Variants in ZDHHC24 observed in about 807,000 individuals in gnomAD.
ZDHHC24 encodes probable palmitoyltransferase ZDHHC24.
A neutral mutation model predicts 23.2 loss-of-function variants in ZDHHC24; 17 were observed. That is an observed-to-expected ratio of 0.73 (90% CI 0.50 to 1.10). The LOEUF is 1.10. Ranked by LOEUF, ZDHHC24 falls within the 50% of genes least tolerant of loss-of-function variation. The probability of loss-of-function intolerance (pLI) is 0.00; values close to 1 mark genes in which losing one functional copy is unlikely to be tolerated. For missense variants in ZDHHC24, 366 were observed against 393.0 expected (o/e 0.93, Z 0.58); for synonymous variants, 186 against 194.5 (o/e 0.96, Z 0.36).
chr11:66,523,511 A>G lies in ZDHHC24; in HGVS notation c.*22-2045T>C. 6.2e-7 allele frequency: 1 copy of G among 1,614,112 alleles called. No individual in the cohort carries two copies. Among genetic ancestry groups the G allele is most frequent in the Admixed American group, 1.7e-5 (1 of 60,012 alleles). ...GCTGAGCGCCCAGCCTGTGGGACTT[A>G]TCCGGGTACACAAGGTCCTAGTGGT... is the stretch of plus-strand genomic sequence containing the variant. On this transcript the variant is annotated intron_variant, in intron 4 of 4. Coordinates refer to the ZDHHC24 transcript ENST00000526986.
chr11:66,530,614 G>A lies in ZDHHC24; in HGVS notation c.560-1126C>T, dbSNP rs539722009. 1.6e-4 allele frequency among the ~76,000 whole-genome samples: 24 copies of A among 152,212 alleles called. No homozygotes were observed. In the South Asian group the frequency reaches 5.0e-3, roughly 32 times the overall value. On this transcript the variant is annotated intron_variant, in intron 2 of 4. Transcript: ENST00000526986. ...TACCCTAGGATGAGAGTGGGAGGTG[G>A]AACAGGCAGGGGGTGGGGGTGAGGG...
chr11:66,530,907 G>A (rs1306126953), downstream of ZDHHC24: 1 of 1,614,034 alleles, frequency 6.2e-7, no homozygotes, highest in East Asian at 2.2e-5. Flanking sequence ...CAGGGCCTTG[G>A]CCCCACCTTT....
In ZDHHC24 at chr11:66,545,849, GC is replaced by G; in HGVS notation, c.154del (p.Ala52ProfsTer31). ...GPPPLGPLAR[A>X]LQLALAAFQL... ...GAAGGCGGCCAGCGCCAGCTGCAAG[GC>G]CCGGGCCAGGGGTCCCAGCGGCGGC... On this transcript the variant is annotated frameshift_variant, in exon 1 of 3. Transcript: ENST00000310442. LOFTEE classifies it high-confidence loss of function. The surrounding 1 kb of genome is among the most constrained non-coding windows in gnomAD (Gnocchi z 4.5). 1 of 1,556,680 alleles carries G rather than the reference GC, an allele frequency of 6.4e-7. No homozygotes were observed.
At chr11:66,523,051 A>G (rs966003439) in intron 4 of ZDHHC24, 6 of 422,128 alleles carry the variant, frequency 1.4e-5, no homozygotes, top group Non-Finnish European at 2.8e-5. Context: ...CCAGTAAACT[A>G]AAAACTGCAT....
chr11:66,532,047 T>TGCTGTGAAA (rs750165500), downstream of ZDHHC24: 126 of 1,594,040 alleles, frequency 7.9e-5, no homozygotes, highest in Non-Finnish European at 1.0e-4. Context: ...AGACCTGAGC[T>TGCTGTGAAA]GCTGTGAAAG....
At chr11:66,529,721 C>T (rs1686426121) in intron 2 of ZDHHC24, 1 of 1,474,532 alleles carries the variant, frequency 6.8e-7, no homozygotes, top group Non-Finnish European at 9.4e-7. Context: ...CCTCCTCTTG[C>T]ACCCTCCCCA....
intron 4 of ZDHHC24, among the ~76,000 whole-genome samples, chr11:66,522,399 G>A (rs1444831214): frequency 6.6e-6 from 1 of 150,394 alleles, no homozygotes; most frequent in African/African-American, 2.5e-5. Context: ...CCAGGCTGGA[G>A]TGCAGTGGCA....
chr11:66,523,391 G>T, intron 4 of ZDHHC24: 5 of 1,612,768 alleles, frequency 3.1e-6, no homozygotes, highest in Non-Finnish European at 4.2e-6. Context: ...TTAGACAGAG[G>T]AGGGTCAGCC....
intron 4 of ZDHHC24, among the ~76,000 whole-genome samples, chr11:66,522,074 G>T (rs1284403952): frequency 1.3e-5 from 2 of 151,164 alleles, no homozygotes; most frequent in Non-Finnish European, 2.9e-5. Flanking sequence ...AAAATTAGCT[G>T]GGCATGGTGG....
chr11:66,530,306 G>A (rs1396210318), intron 2 of ZDHHC24, among the ~76,000 whole-genome samples: 1 of 152,154 alleles, frequency 6.6e-6, no homozygotes, highest in Non-Finnish European at 1.5e-5. Context: ...GTAACTGTGG[G>A]CAGCCCAACG....
At chr11:66,523,470 C>T in intron 4 of ZDHHC24, 2 of 1,614,116 alleles carry the variant, frequency 1.2e-6, no homozygotes, top group Non-Finnish European at 1.7e-6. Context: ...TCCAAGCACC[C>T]CAAGTACTGC....
rs1174810492 is a variant in ZDHHC24, at chr11:66,538,086, A to C, written c.*1443T>G. 6.6e-6 allele frequency: 1 copy of C among 151,916 alleles called. No homozygotes were observed. Among genetic ancestry groups the C allele is most frequent in the Admixed American group, 6.6e-5 (1 of 15,238 alleles). The allele number at this position is 151,916 out of a possible 1,614,324, so 9.4% of individuals were successfully genotyped here. A position where few individuals can be genotyped will look rare whatever the true frequency, so the allele number is the denominator to read the frequency against. ...GCCAACATGGTGAAACCCTGTCTAT[A>C]CTAAAAATACAAAAAAATTAGCTGG... On this transcript the variant is annotated 3_prime_UTR_variant, in exon 3 of 3. Coordinates refer to ENST00000310442, the MANE Select transcript of ZDHHC24 (RefSeq NM_207340.3).
intron 1 of ZDHHC24, among the ~76,000 whole-genome samples, chr11:66,544,262 C>T (rs1213131472): frequency 6.6e-6 from 1 of 152,148 alleles, no homozygotes; most frequent in Non-Finnish European, 1.5e-5. Flanking sequence ...CCTCCACGGT[C>T]ACCCCTTTGT....
intron 2 of ZDHHC24, among the ~76,000 whole-genome samples, chr11:66,540,184 G>A (rs1221606585): frequency 1.3e-5 from 2 of 152,070 alleles, no homozygotes; most frequent in Non-Finnish European, 2.9e-5. Context: ...TTGGGGGGGC[G>A]AAGCAGATAG....
intron 2 of ZDHHC24, among the ~76,000 whole-genome samples, chr11:66,543,436 C>T (rs913129801): frequency 1.3e-5 from 2 of 152,192 alleles, no homozygotes; most frequent in Admixed American, 1.3e-4. Context: ...TTCCACATCC[C>T]GCCATGCAGA....
chr11:66,521,904 C>CA (rs1183524219), intron 4 of ZDHHC24, among the ~76,000 whole-genome samples: 8,686 of 35,776 alleles, frequency 0.24, 1,042 homozygotes, highest in Non-Finnish European at 0.29. Flanking sequence ...GACTCCGTCT[C>CA]AAAAAAAAAA....
Position 66,539,707 on chromosome 11 carries a change from G to A in ZDHHC24, c.677C>T (p.Thr226Ile). 2.6e-5 allele frequency: 42 copies of A among 1,612,476 alleles called. No individual in the cohort carries two copies. The highest frequency in any genetic ancestry group is 3.5e-5 in the Non-Finnish European group (41 of 1,179,826). The change falls in exon 3 of 3, where the codon ACC becomes ATC. Residue 226 changes from threonine (T) to isoleucine (I), a missense_variant. Transcript: ENST00000310442. ...CTGGCCCCGAGCCCACTCCCATGTG[G>A]TCTGGCCCCGCAGCAGCAGCATCCC... ...FHGMLLLRGQTTWEWARGQHS... is the reference protein window; with the variant it reads ...FHGMLLLRGQITWEWARGQHS...
At chr11:66,531,019 C>A (rs1264362211), downstream of ZDHHC24, 1 of 1,614,104 alleles carries the variant, frequency 6.2e-7, no homozygotes, top group Non-Finnish European at 8.5e-7. Flanking sequence ...TGCCCCGGGC[C>A]TTCTTCAAGG....
chr11:66,529,711 C>G, intron 2 of ZDHHC24: 1 of 1,393,964 alleles, frequency 7.2e-7, no homozygotes, highest in Non-Finnish European at 1.0e-6. Flanking sequence ...CCTGCAGCAC[C>G]CTCCTCTTGC....
Sources: gnomAD v4.1 joint callset for allele counts (sites outside exome capture counted in the v4.1 genomes callset) on GRCh38, gnomAD v4.1.1 for gene constraint, Gnocchi (gnomAD v3.1) non-coding constraint, MANE v1.5 for transcripts, NCBI Gene and HGNC (gene_info 2026-07-23, HGNC 2026-07-21) for gene names.